The following KCNN2 variants were observed in gnomAD, a reference collection of about 807,000 sequenced individuals.
KCNN2 encodes the protein small conductance calcium-activated potassium channel protein 2.
Under a neutral mutation model 55.5 loss-of-function variants are expected in KCNN2, and 24 were observed. The ratio of observed to expected loss-of-function variants is 0.43; its 90% CI spans 0.31 to 0.61. KCNN2 has a LOEUF of 0.61. KCNN2 is among the 20% of genes least tolerant of loss of function. The pLI, the probability that KCNN2 is intolerant of heterozygous loss-of-function variation, is 0.08. For synonymous variants in KCNN2, 431 were observed against 336.1 expected (o/e 1.28, Z -3.09); for missense variants, 754 against 853.6 (o/e 0.88, Z 1.45).
At chr5:114,223,430 T>G (rs1315236713) in intron 2 of KCNN2, among the ~76,000 whole-genome samples, 2 of 152,210 alleles carry the variant, frequency 1.3e-5, no homozygotes, top group African/African-American at 4.8e-5. Context: ...TTTAGCCATA[T>G]TTGAAAACAT....
chr5:114,158,980 T>C (rs1170385634), intron 1 of KCNN2, among the ~76,000 whole-genome samples: 2 of 152,172 alleles, frequency 1.3e-5, no homozygotes, highest in African/African-American at 4.8e-5. Flanking sequence ...CTTTTCCTAA[T>C]TGAATACCCT....
intron 1 of KCNN2, among the ~76,000 whole-genome samples, chr5:114,088,618 ATTTGT>A (rs1751068107): frequency 6.6e-6 from 1 of 150,620 alleles, no homozygotes; most frequent in South Asian, 2.1e-4. Flanking sequence ...TTTTGTTGTT[ATTTGT>A]TTTGTTTTGT....
chr5:114,324,711 C>T (rs1338314246), intron 2 of KCNN2, among the ~76,000 whole-genome samples: 1 of 152,122 alleles, frequency 6.6e-6, no homozygotes, highest in Non-Finnish European at 1.5e-5. Context: ...ATTTTGGTAC[C>T]TGGAAGTAGG....
At chr5:114,399,644 A>C (rs1435627581) in intron 2 of KCNN2, among the ~76,000 whole-genome samples, 3 of 152,114 alleles carry the variant, frequency 2.0e-5, no homozygotes, top group Non-Finnish European at 4.4e-5. Context: ...CCTTCTTCTC[A>C]ATCTTTTGGA....
chr5:114,256,890 G>C (rs868142949), intron 2 of KCNN2, among the ~76,000 whole-genome samples: 1 of 151,888 alleles, frequency 6.6e-6, no homozygotes, highest in South Asian at 2.1e-4. Context: ...GTCTATTTTT[G>C]GTTTTGTTGC....
chr5:114,293,427 A>T (rs910950450), intron 2 of KCNN2, among the ~76,000 whole-genome samples: 22 of 152,030 alleles, frequency 1.4e-4, no homozygotes, highest in Admixed American at 5.9e-4. Flanking sequence ...GTCAAAGGCC[A>T]TTTCTGCATC....
At chr5:114,252,786 TGTGAGAGAGA>T (rs1754896014) in intron 2 of KCNN2, among the ~76,000 whole-genome samples, 1 of 147,030 alleles carries the variant, frequency 6.8e-6, no homozygotes, top group Non-Finnish European at 1.5e-5. Context: ...TGTGTGTGTG[TGTGAGAGAGA>T]GAGAGAGAGA....
intron 2 of KCNN2, among the ~76,000 whole-genome samples, chr5:114,277,962 C>A (rs1160063974): frequency 6.6e-6 from 1 of 152,114 alleles, no homozygotes; most frequent in Admixed American, 6.6e-5. Context: ...TGGTTTCTTC[C>A]CATCTTTGTA....
Position 114,254,921 on chromosome 5 carries a change from C to CA in KCNN2, c.-185+33363dup, listed in dbSNP as rs201232616. Among the ~76,000 whole-genome samples the CA allele has an allele frequency of 5.5e-4, 83 of 150,626 alleles. 1 individual carries two copies. The East Asian group carries it at 7.6e-3, about 14-fold the overall frequency. Reference sequence around the variant, plus strand: ...TGAATGATCTGAGGCTTGTATTTACCAAAAAAACAATCTTAAGTAATCTGA... The same window carrying CA: ...TGAATGATCTGAGGCTTGTATTTACCAAAAAAAACAATCTTAAGTAATCTGA... On this transcript the variant is annotated intron_variant, in intron 2 of 10. Transcript: ENST00000512097.
At chr5:114,409,655 A>G (rs1008804974) in intron 3 of KCNN2, among the ~76,000 whole-genome samples, 1 of 152,208 alleles carries the variant, frequency 6.6e-6, no homozygotes, top group African/African-American at 2.4e-5. Context: ...GGAAAGAGCT[A>G]GAGAAAAAGA....
At chr5:114,255,204 C>T (rs945312013) in intron 2 of KCNN2, among the ~76,000 whole-genome samples, 1 of 152,114 alleles carries the variant, frequency 6.6e-6, no homozygotes, top group Non-Finnish European at 1.5e-5. Flanking sequence ...AGGAGTTTAT[C>T]ACCCGAGACA....
chr5:114,166,889 C>G (rs964651674), intron 1 of KCNN2, among the ~76,000 whole-genome samples: 3 of 152,108 alleles, frequency 2.0e-5, no homozygotes, highest in African/African-American at 7.2e-5. Context: ...CCATCTCTGT[C>G]TGCCCTCCAC....
At chr5:114,490,716 G>A (rs537070173) in intron 6 of KCNN2, 4 of 397,998 alleles carry the variant, frequency 1.0e-5, no homozygotes, top group South Asian at 1.3e-4. Context: ...TGTGTGAGCC[G>A]CTCCTTTCAA....
intron 3 of KCNN2, 23 bp downstream of exon 3, chr5:114,404,879 G>A (rs1195365707): frequency 1.3e-6 from 2 of 1,579,314 alleles, no homozygotes; most frequent in Admixed American, 3.6e-5. Context: ...CTTTTCCTGA[G>A]AACATAATTT....
intron 2 of KCNN2, among the ~76,000 whole-genome samples, chr5:114,387,360 A>G (rs1399285923): frequency 1.3e-5 from 2 of 152,188 alleles, no homozygotes; most frequent in African/African-American, 4.8e-5. Flanking sequence ...GGCAGCCATT[A>G]CATGGTAAAC....
chr5:114,488,633 C>A, intron 6 of KCNN2, among the ~76,000 whole-genome samples: 1 of 152,110 alleles, frequency 6.6e-6, no homozygotes, highest in East Asian at 1.9e-4. Context: ...TTTCTCCCAA[C>A]CCAGAGATGC....
chr5:114,391,122 A>G (rs750403142), intron 2 of KCNN2, among the ~76,000 whole-genome samples: 1 of 152,138 alleles, frequency 6.6e-6, no homozygotes, highest in Non-Finnish European at 1.5e-5. Flanking sequence ...TACTTCTTTC[A>G]AAAATAGGTA....
chr5:114,479,312 A>T (rs778725652), intron 5 of KCNN2, among the ~76,000 whole-genome samples: 31 of 152,182 alleles, frequency 2.0e-4, no homozygotes, highest in Non-Finnish European at 4.1e-4. Flanking sequence ...TTAAAAAAAG[A>T]TGAAGAGCAT....
At chr5:114,081,132 T>C (rs1466659085) in intron 1 of KCNN2, among the ~76,000 whole-genome samples, 2 of 152,144 alleles carry the variant, frequency 1.3e-5, no homozygotes, top group Admixed American at 6.6e-5. Context: ...AAGTTACAAA[T>C]TATGGTTGAA....
Sources: gnomAD v4.1 joint callset for allele counts (sites outside exome capture counted in the v4.1 genomes callset) on GRCh38, gnomAD v4.1.1 for gene constraint, MANE v1.5 for transcripts, NCBI Gene and HGNC (gene_info 2026-07-23, HGNC 2026-07-21) for gene names.